RAB11FIP3: variants seen among roughly 807,000 people sequenced by gnomAD.
The protein encoded by RAB11FIP3 is rab11 family-interacting protein 3.
Under a neutral mutation model 77.8 loss-of-function variants are expected in RAB11FIP3, and 17 were observed. The observed-to-expected ratio is 0.22, with a 90% CI of 0.15 to 0.33. The LOEUF (loss-of-function observed/expected upper bound fraction) is 0.33, where lower values mean the gene tolerates loss of function less well. Ranked by LOEUF, RAB11FIP3 falls within the 10% of genes least tolerant of loss-of-function variation. The pLI is 1.00. For synonymous variants in RAB11FIP3, 437 were observed against 448.2 expected, an observed-to-expected ratio of 0.98 and a Z score of 0.31; for missense variants, 1,005 against 1,011.2, an observed-to-expected ratio of 0.99 and a Z score of 0.08.
At chr16:498,790 C>A (rs1452999118) in intron 6 of RAB11FIP3, among the ~76,000 whole-genome samples, 2 of 151,866 alleles carry the variant, frequency 1.3e-5, no homozygotes, top group Non-Finnish European at 2.9e-5. Context: ...CAGGCAGGAG[C>A]CACCGCGTCC....
chr16:445,806 A>G (rs2055306616), intron 1 of RAB11FIP3, among the ~76,000 whole-genome samples: 1 of 152,146 alleles, frequency 6.6e-6, no homozygotes, highest in African/African-American at 2.4e-5. Context: ...CACTTGGCCC[A>G]GGTGCAGGGA....
At chr16:475,297 G>A (rs953002119) in intron 3 of RAB11FIP3, among the ~76,000 whole-genome samples, 7 of 152,346 alleles carry the variant, frequency 4.6e-5, no homozygotes, top group African/African-American at 7.2e-5. Flanking sequence ...ACATAGCGAC[G>A]TTTTCCAAGA....
intron 9 of RAB11FIP3, among the ~76,000 whole-genome samples, chr16:516,002 G>A (rs1010115996): frequency 2.0e-5 from 3 of 152,158 alleles, no homozygotes; most frequent in African/African-American, 7.2e-5. Flanking sequence ...GAGGCCAGGG[G>A]TCTGACCAGC....
Position 521,015 on chromosome 16 carries a change from A to AG in RAB11FIP3, c.*179dup, listed in dbSNP as rs2032662434. The AG allele has an allele frequency of 1.6e-6, 1 of 621,522 alleles. No individual in the cohort carries two copies. Among genetic ancestry groups the AG allele is most frequent in the Non-Finnish European group, 2.9e-6 (1 of 347,382 alleles). The allele number at this position is 621,522 out of a possible 1,614,324, so 38.5% of individuals were successfully genotyped here. On this transcript the variant is annotated 3_prime_UTR_variant, in exon 14 of 14. Coordinates refer to ENST00000262305, the MANE Select transcript of RAB11FIP3 (RefSeq NM_014700.4). ...AAGACCGGGGCTGCCAAAGGGGCAG[A>AG]GGGTGGTGGAGAGGAGAGGGAGAAA...
intron 4 of RAB11FIP3, among the ~76,000 whole-genome samples, chr16:488,647 C>T (rs1194019097): frequency 6.6e-6 from 1 of 152,100 alleles, no homozygotes; most frequent in South Asian, 2.1e-4. Context: ...GAGCTCAAGC[C>T]ATCTGCTCGC....
intron 4 of RAB11FIP3, among the ~76,000 whole-genome samples, chr16:488,122 T>C (rs1324226181): frequency 6.6e-6 from 1 of 152,254 alleles, no homozygotes; most frequent in Non-Finnish European, 1.5e-5. Flanking sequence ...GGCTCACGCC[T>C]GTAATCCCAA....
chr16:507,782 G>A lies in RAB11FIP3; in HGVS notation c.1499+2155G>A, dbSNP rs2031947076. On this transcript the variant is annotated intron_variant, in intron 8 of 13. Transcript: ENST00000262305. The surrounding 1 kb of genome is among the most constrained non-coding windows in gnomAD (Gnocchi z 4.6). ...ATCATCTGCCCGTTCTGAGCCATTT[G>A]CTCTCTAGCCCTACCATACAGCTGC... Among the ~76,000 whole-genome samples, 1 of 151,948 alleles carries A rather than the reference G, an allele frequency of 6.6e-6. No individual in the cohort carries two copies. The highest frequency in any genetic ancestry group is 2.4e-5 in the African/African-American group (1 of 41,316).
At chr16:455,323 A>C (rs1168633314) in intron 1 of RAB11FIP3, among the ~76,000 whole-genome samples, 1 of 151,450 alleles carries the variant, frequency 6.6e-6, no homozygotes, top group African/African-American at 2.4e-5. Flanking sequence ...CTACTACAAA[A>C]ATCAGCCGGG....
intron 3 of RAB11FIP3, among the ~76,000 whole-genome samples, chr16:478,056 ACTGCGGCCT>A (rs2055955630): frequency 6.6e-6 from 1 of 152,194 alleles, no homozygotes. Context: ...CAAAGATGGA[ACTGCGGCCT>A]CCCGCAAGTG....
At position 519,041 on chromosome 16, in the gene RAB11FIP3, C is replaced by G; in HGVS notation, c.1722+17C>G. ...CTGGAGGAGGTGAGCTGCCAACAGC[C>G]TGGAGCTGTGGCCAGTGGGGCCAGC... is the stretch of plus-strand genomic sequence containing the variant. On this transcript the variant is annotated intron_variant, in intron 10 of 13. Coordinates refer to ENST00000262305, the MANE Select transcript of RAB11FIP3 (RefSeq NM_014700.4). 6.2e-7 allele frequency: 1 copy of G among 1,612,562 alleles called. No homozygotes were observed. The highest frequency in any genetic ancestry group is 8.5e-7 in the Non-Finnish European group (1 of 1,179,606).
intron 5 of RAB11FIP3, among the ~76,000 whole-genome samples, chr16:493,069 G>A (rs1279113926): frequency 6.6e-6 from 1 of 152,166 alleles, no homozygotes; most frequent in East Asian, 1.9e-4. Context: ...TGGCCAACAT[G>A]GCGAAACCCT....
At chr16:519,540 C>G (rs878981697) in intron 10 of RAB11FIP3, among the ~76,000 whole-genome samples, 4 of 152,256 alleles carry the variant, frequency 2.6e-5, no homozygotes, top group Admixed American at 1.3e-4. Flanking sequence ...AAACGGCCCT[C>G]GTGGCCTGCG....
At chr16:433,611 G>A (rs1393039846) in intron 1 of RAB11FIP3, among the ~76,000 whole-genome samples, 1 of 151,772 alleles carries the variant, frequency 6.6e-6, no homozygotes, top group Non-Finnish European at 1.5e-5. Flanking sequence ...CACTTTGGAA[G>A]GCCAAGGCGG....
intron 4 of RAB11FIP3, among the ~76,000 whole-genome samples, chr16:484,049 C>T (rs999929348): frequency 6.6e-6 from 1 of 152,164 alleles, no homozygotes; most frequent in African/African-American, 2.4e-5. Context: ...GGCTGTTAGT[C>T]ACTCTTATCT....
intron 4 of RAB11FIP3, among the ~76,000 whole-genome samples, chr16:485,974 T>C (rs1203252457): frequency 6.6e-6 from 1 of 152,234 alleles, no homozygotes; most frequent in Non-Finnish European, 1.5e-5. Flanking sequence ...CAATCTTGGG[T>C]CACTGCAGTC....
chr16:488,791 C>G, intron 4 of RAB11FIP3, 60 bp from the exon 5 acceptor site: 1 of 1,570,124 alleles, frequency 6.4e-7, no homozygotes, highest in Non-Finnish European at 8.7e-7. Flanking sequence ...CTTCCACACC[C>G]TCAGCTCGGG....
At chr16:479,129 T>C (rs542362783) in intron 3 of RAB11FIP3, among the ~76,000 whole-genome samples, 52 of 151,346 alleles carry the variant, frequency 3.4e-4, no homozygotes, top group Non-Finnish European at 4.7e-4. Flanking sequence ...TGGTGGCTTA[T>C]GCCTATAATC....
Position 505,400 on chromosome 16 carries a change from C to T in RAB11FIP3, c.1396-124C>T. 4 of 706,086 alleles carry T rather than the reference C, an allele frequency of 5.7e-6. No homozygotes were observed. The highest frequency in any genetic ancestry group is 9.3e-6 in the Non-Finnish European group (4 of 428,476). 43.7% of individuals were successfully genotyped at this position (706,086 alleles called of 1,614,324 possible). On this transcript the variant is annotated intron_variant, in intron 7 of 13. Coordinates refer to ENST00000262305, the MANE Select transcript of RAB11FIP3 (RefSeq NM_014700.4). The surrounding 1 kb of genome is among the most constrained non-coding windows in gnomAD (Gnocchi z 4.0). ...GGGACAAGTTGGATCCAACACCAGC[C>T]TAGCTAGGTGGATCTGATTCTGTGC...
intron 5 of RAB11FIP3, among the ~76,000 whole-genome samples, chr16:490,644 T>A (rs1196199356): frequency 6.6e-6 from 1 of 152,190 alleles, no homozygotes; most frequent in Non-Finnish European, 1.5e-5. Context: ...TCTTAAAAAA[T>A]CACAAAACTA....
Sources: allele counts gnomAD v4.1 joint callset (sites outside exome capture counted in the v4.1 genomes callset), GRCh38; gene constraint gnomAD v4.1.1; non-coding constraint Gnocchi (gnomAD v3.1); transcripts MANE v1.5; gene names NCBI Gene and HGNC (gene_info 2026-07-23, HGNC 2026-07-21).